Variants in COG6 observed in about 807,000 individuals in gnomAD.
COG6 encodes conserved oligomeric Golgi complex subunit 6.
Under a neutral mutation model 88.8 loss-of-function variants are expected in COG6, and 74 were observed. That is an observed-to-expected ratio of 0.83 (90% CI 0.69 to 1.01). The LOEUF is 1.01. COG6 is among the 50% of genes least tolerant of loss of function. The probability of loss-of-function intolerance (pLI) is 0.00; values close to 1 mark genes in which losing one functional copy is unlikely to be tolerated. For synonymous variants in COG6, 286 were observed against 278.7 expected, an observed-to-expected ratio of 1.03 and a Z score of -0.26; for missense variants, 800 against 797.9, an observed-to-expected ratio of 1.00 and a Z score of -0.03.
At chr13:39,666,546 T>C (rs1459741338) in intron 4 of COG6, among the ~76,000 whole-genome samples, 1 of 152,206 alleles carries the variant, frequency 6.6e-6, no homozygotes, top group Non-Finnish European at 1.5e-5. Context: ...AAATGGCAAG[T>C]ACATGACCCC....
chr13:39,706,255 T>TA (rs1555278573), intron 13 of COG6, among the ~76,000 whole-genome samples: 8 of 114,672 alleles, frequency 7.0e-5, no homozygotes, highest in Non-Finnish European at 1.1e-4. Context: ...ATATACTCCT[T>TA]TATATATATA....
chr13:39,684,320 C>T (rs1442997593), intron 8 of COG6, among the ~76,000 whole-genome samples: 1 of 129,700 alleles, frequency 7.7e-6, no homozygotes, highest in Non-Finnish European at 1.6e-5. Context: ...GCAATCTCGG[C>T]TCACTGCAGG....
intron 2 of COG6, 28 bp from the exon 3 acceptor site, chr13:39,660,782 T>A: frequency 7.4e-7 from 1 of 1,354,850 alleles, no homozygotes. Context: ...GTATATATGA[T>A]GTTTGATGTT....
At chr13:39,707,379 A>G (rs11842515) in intron 13 of COG6, among the ~76,000 whole-genome samples, 3,988 of 152,214 alleles carry the variant, frequency 0.026, 79 homozygotes, top group Non-Finnish European at 0.041. Context: ...CGCCCGCCTC[A>G]GCCTTCCAAA....
At chr13:39,782,776 CA>C (rs1881668614) in intron 18 of COG6, among the ~76,000 whole-genome samples, 2 of 152,174 alleles carry the variant, frequency 1.3e-5, no homozygotes, top group African/African-American at 2.4e-5. Context: ...CCACGGTGCT[CA>C]GGGGGGAACA....
At chr13:39,758,152 G>A (rs953685391) in intron 18 of COG6, among the ~76,000 whole-genome samples, 2 of 145,738 alleles carry the variant, frequency 1.4e-5, no homozygotes, top group African/African-American at 2.5e-5. Context: ...CCTGGGAGGT[G>A]AAGGTTTCGG....
At chr13:39,735,369 G>A (rs1172304777) in intron 18 of COG6, among the ~76,000 whole-genome samples, 1 of 151,922 alleles carries the variant, frequency 6.6e-6, no homozygotes, top group Non-Finnish European at 1.5e-5. Context: ...AAACAAACAA[G>A]CCAAGAGAAA....
At chr13:39,762,629 AAGTAC>A (rs1881050890) in intron 18 of COG6, among the ~76,000 whole-genome samples, 1 of 137,720 alleles carries the variant, frequency 7.3e-6, no homozygotes, top group Non-Finnish European at 1.7e-5. Context: ...CCCCATAAAT[AAGTAC>A]AATTAAAAAA....
intron 17 of COG6, among the ~76,000 whole-genome samples, chr13:39,726,159 G>A (rs188633718): frequency 1.3e-5 from 2 of 151,932 alleles, no homozygotes; most frequent in East Asian, 3.9e-4. Flanking sequence ...GGTTTCTAAG[G>A]CACTTCAATT....
rs552523099 is a variant in COG6, at chr13:39,667,527, A to G, written c.428+2373A>G. Among the ~76,000 whole-genome samples, 314 of 152,268 alleles carry G rather than the reference A, an allele frequency of 2.1e-3. 4 individuals carry two copies. The highest frequency in any genetic ancestry group is 7.0e-3 in the African/African-American group (292 of 41,564). ...AGCTGGATAAATGATCATATCCCCC[A>G]CATTGGTGGTTAATTACTTGATGTT... On this transcript the variant is annotated intron_variant, in intron 4 of 18. Coordinates refer to ENST00000455146, the MANE Select transcript of COG6 (RefSeq NM_020751.3).
intron 13 of COG6, among the ~76,000 whole-genome samples, chr13:39,703,130 C>G (rs1483650118): frequency 1.3e-5 from 2 of 152,192 alleles, no homozygotes; most frequent in African/African-American, 4.8e-5. Flanking sequence ...GAAAGCCCCC[C>G]AGGAGGTCCA....
chr13:39,779,996 G>A (rs1190339352), intron 18 of COG6, among the ~76,000 whole-genome samples: 1 of 152,202 alleles, frequency 6.6e-6, no homozygotes, highest in Non-Finnish European at 1.5e-5. Context: ...GATGGATGAA[G>A]AATGAATAGA....
chr13:39,734,583 A>T (rs996987401), intron 18 of COG6, among the ~76,000 whole-genome samples: 2 of 152,170 alleles, frequency 1.3e-5, no homozygotes, highest in Non-Finnish European at 2.9e-5. Flanking sequence ...CAGCCATTGG[A>T]TGAAATACTC....
intron 18 of COG6, among the ~76,000 whole-genome samples, chr13:39,767,702 G>A (rs558311647): frequency 1.7e-3 from 254 of 152,244 alleles, no homozygotes; most frequent in Non-Finnish European, 2.5e-3. Flanking sequence ...AGACTTGTGC[G>A]GCTGCTTGGA....
At chr13:39,733,171 G>A (rs1366410688) in intron 18 of COG6, among the ~76,000 whole-genome samples, 8 of 151,092 alleles carry the variant, frequency 5.3e-5, no homozygotes, top group African/African-American at 1.9e-4. Context: ...TAAGAAATGG[G>A]TACAAAAAGA....
rs150865463 is a variant in COG6 at position 39,743,350 on chromosome 13, C to T, written c.1827-7596C>T. 9.6e-3 allele frequency among the ~76,000 whole-genome samples: 1,456 copies of T among 151,970 alleles called. 23 individuals carry two copies. Among genetic ancestry groups the T allele is most frequent in the African/African-American group, 0.032 (1,341 of 41,404 alleles). Reference sequence around the variant, plus strand: ...TGAAAGGATCAACAAAATTGATAGACGGCTAGCAAGACTAATAAAGAAGAA... The same window carrying T: ...TGAAAGGATCAACAAAATTGATAGATGGCTAGCAAGACTAATAAAGAAGAA... On this transcript the variant is annotated intron_variant, in intron 18 of 18. Coordinates refer to ENST00000455146, the MANE Select transcript of COG6 (RefSeq NM_020751.3).
At position 39,762,761 on chromosome 13, in the gene COG6, G is replaced by GTT. The variant is rs199547975; in HGVS notation, c.1827-25559_1827-25558dup. Among the ~76,000 whole-genome samples, 98 of 139,174 alleles carry GTT rather than the reference G, an allele frequency of 7.0e-4. 1 individual carries two copies. Among genetic ancestry groups the GTT allele is most frequent in the South Asian group, 2.5e-3 (11 of 4,326 alleles). 91.3% of individuals were successfully genotyped at this position (139,174 alleles called of 152,430 possible). A position where few individuals can be genotyped will look rare whatever the true frequency, so the allele number is the denominator to read the frequency against. ...TAGATCTATTTGAGACAAAATAAGA[G>GTT]TTTTTTTTTTTTTTTTCTTTGAAGC... On this transcript the variant is annotated intron_variant, in intron 18 of 18. Coordinates refer to the COG6 transcript ENST00000416691.
rs1876877555 is a variant in COG6 at position 39,689,817 on chromosome 13, C to A, written c.1067C>A (p.Pro356His). 1 of 1,607,402 alleles carries A rather than the reference C, an allele frequency of 6.2e-7. No homozygotes were observed. ...CATATCACTGAAGGTGTGTGCAGGC[C>A]TCTAAAGGTAAAATATTTTGTTTTT... ...VGHITEGVCR[P>H]LKVRIEQVIV... Residue 356 changes from proline to histidine, a missense_variant, in exon 11 of 19, where the codon CCT (proline) becomes CAT (histidine). Transcript: ENST00000455146.
chr13:39,727,049 A>G (rs1879170503), intron 17 of COG6, among the ~76,000 whole-genome samples: 1 of 151,986 alleles, frequency 6.6e-6, no homozygotes, highest in Non-Finnish European at 1.5e-5. Flanking sequence ...GCTCATTTTT[A>G]TACTTCCATT....
Sources: allele counts gnomAD v4.1 joint callset (sites outside exome capture counted in the v4.1 genomes callset), GRCh38; gene constraint gnomAD v4.1.1; transcripts MANE v1.5; gene names NCBI Gene and HGNC (gene_info 2026-07-23, HGNC 2026-07-21).